Variants in RYR2 observed in about 807,000 individuals in gnomAD.
The protein encoded by RYR2 is ryanodine receptor 2.
RYR2 carries 227 observed loss-of-function variants against 601.1 expected under a neutral mutation model. The ratio of observed to expected loss-of-function variants is 0.38; its 90% CI spans 0.34 to 0.42. The LOEUF (loss-of-function observed/expected upper bound fraction) is 0.42. Among genes scored for constraint, RYR2 ranks in the 10% least tolerant of loss-of-function variants. RYR2 has a pLI of 1.00. For synonymous variants in RYR2, 2,223 were observed against 2,175.1 expected (o/e 1.02, Z -0.61); for missense variants, 4,646 against 6,156.5 (o/e 0.75, Z 8.21).
intron 29 of RYR2, among the ~76,000 whole-genome samples, chr1:237,580,345 T>C (rs35280595): frequency 0.3 from 44,985 of 150,898 alleles, 7,149 homozygotes; most frequent in East Asian, 0.61. Flanking sequence ...TTTGTAGAGA[T>C]GGGGTTTTAC....
At chr1:237,350,240 G>T (rs1259480339) in intron 3 of RYR2, among the ~76,000 whole-genome samples, 4 of 151,884 alleles carry the variant, frequency 2.6e-5, no homozygotes, top group Admixed American at 1.3e-4. Context: ...TTGTATGTGT[G>T]GTAAAGTTGA....
intron 25 of RYR2, among the ~76,000 whole-genome samples, chr1:237,533,097 TGTGTTGCTCTCACAAC>T (rs1325061835): frequency 6.6e-6 from 1 of 152,162 alleles, no homozygotes; most frequent in African/African-American, 2.4e-5. Context: ...GCATATTCCT[TGTGTTGCTCTCACAAC>T]GCAACACAGC....
chr1:237,631,794 A>AT (rs1281696995), intron 42 of RYR2, among the ~76,000 whole-genome samples: 14 of 151,264 alleles, frequency 9.3e-5, no homozygotes, highest in African/African-American at 1.7e-4. Context: ...CGCCCGGCTA[A>AT]TTTTTTTGTG....
At chr1:237,542,058 CTTTATTTA>C (rs71180097) in intron 25 of RYR2, among the ~76,000 whole-genome samples, 11,734 of 147,892 alleles carry the variant, frequency 0.079, 557 homozygotes, top group Middle Eastern at 0.11. Flanking sequence ...ACATTTTTGT[CTTTATTTA>C]TTTATTTATT....
chr1:237,055,142 C>T (rs1661822556), intron 1 of RYR2, among the ~76,000 whole-genome samples: 1 of 152,072 alleles, frequency 6.6e-6, no homozygotes, highest in Admixed American at 6.5e-5. Flanking sequence ...AGTGCCATTC[C>T]CTTCCTTGAT....
intron 10 of RYR2, among the ~76,000 whole-genome samples, chr1:237,415,051 T>C (rs894244583): frequency 1.3e-5 from 2 of 152,096 alleles, no homozygotes; most frequent in African/African-American, 4.8e-5. Flanking sequence ...TGGCATTTAG[T>C]TGGTAGAGGG....
At chr1:237,240,835 G>C (rs750631217) in intron 1 of RYR2, among the ~76,000 whole-genome samples, 18 of 151,998 alleles carry the variant, frequency 1.2e-4, no homozygotes, top group Non-Finnish European at 2.1e-4. Flanking sequence ...TCAGTTGGTT[G>C]GTTGCTTAGG....
Position 237,833,637 on chromosome 1 carries a change from A to T in RYR2, c.*990A>T, listed in dbSNP as rs1266599522. The T allele has an allele frequency of 6.6e-6, 1 of 152,492 alleles. No individual in the cohort carries two copies. The highest frequency in any genetic ancestry group is 2.4e-5 in the African/African-American group (1 of 41,414). 9.4% of individuals were successfully genotyped at this position (152,492 alleles called of 1,614,324 possible). On this transcript the variant is annotated 3_prime_UTR_variant, in exon 105 of 105. Coordinates refer to ENST00000366574, the MANE Select transcript of RYR2 (RefSeq NM_001035.3). The stretch of plus-strand genomic sequence containing the variant: ...CTGGAGCCAGTGTCATCCACCAACA[A>T]TGTGATACAATATGAACTTGACAGT...
At chr1:237,193,534 T>C (rs1160773374) in intron 1 of RYR2, among the ~76,000 whole-genome samples, 1 of 152,186 alleles carries the variant, frequency 6.6e-6, no homozygotes, top group Non-Finnish European at 1.5e-5. Flanking sequence ...GTTCAGTGAT[T>C]AAAATGTGGA....
intron 98 of RYR2, among the ~76,000 whole-genome samples, chr1:237,803,994 A>C (rs1413352650): frequency 6.6e-6 from 1 of 152,182 alleles, no homozygotes; most frequent in Non-Finnish European, 1.5e-5. Context: ...ACTTCCTCAT[A>C]TATAAATTGG....
rs867116151 is a variant in RYR2 at position 237,237,566 on chromosome 1, A to G, written c.49-32931A>G. 2.0e-5 allele frequency among the ~76,000 whole-genome samples: 3 copies of G among 152,346 alleles called. 1 individual carries two copies. In the Middle Eastern group the frequency reaches 0.01, roughly 518 times the overall value. On this transcript the variant is annotated intron_variant, in intron 1 of 104. Transcript: ENST00000366574. ...AAGACTGACAAAACACACTGTAGCA[A>G]TAAGATACCAAATTCAGACCTGACT...
At chr1:237,739,343 C>T (rs1237954084) in intron 79 of RYR2, among the ~76,000 whole-genome samples, 3 of 152,094 alleles carry the variant, frequency 2.0e-5, no homozygotes, top group African/African-American at 7.2e-5. Context: ...TTGCTGTTGC[C>T]ACCCCTTTTT....
In RYR2 at chr1:237,374,291, G is replaced by T. The variant is rs61832493; in HGVS notation, c.385-426G>T. On this transcript the variant is annotated intron_variant, in intron 6 of 104. Transcript: ENST00000366574. ...AATCCCGGCACCTTGGGAAGTGGAG[G>T]TGGGAGATTGCTTGAGTTTAGGAGT... 4.7e-3 allele frequency among the ~76,000 whole-genome samples: 721 copies of T among 152,120 alleles called. 7 individuals are homozygous for T. Among genetic ancestry groups the T allele is most frequent in the Non-Finnish European group, 7.0e-3 (478 of 68,000 alleles).
At position 237,614,856 on chromosome 1, in the gene RYR2, A is replaced by G; in HGVS notation, c.5715+13A>G. The G allele has an allele frequency of 3.9e-6, 6 of 1,540,782 alleles. No homozygotes were observed. Among genetic ancestry groups the G allele is most frequent in the South Asian group, 1.3e-5 (1 of 77,438 alleles). On this transcript the variant is annotated intron_variant, in intron 37 of 104. Coordinates refer to ENST00000366574, the MANE Select transcript of RYR2 (RefSeq NM_001035.3). This position sits in a 1 kb window ranked among gnomAD's most constrained non-coding sequence, Gnocchi z 4.3. ...AGTTAAATTGCAGGTAATCAGAACA[A>G]GAGACTTGAGTGAATTTCAGAATTG...
In RYR2 at chr1:237,233,317, T is replaced by C. The variant is rs973134035; in HGVS notation, c.49-37180T>C. Among the ~76,000 whole-genome samples the C allele has an allele frequency of 1.1e-4, 17 of 152,238 alleles. No individual in the cohort carries two copies. In the East Asian group the frequency reaches 3.3e-3, roughly 29 times the overall value. ...TGCTAAATTGGAATTTAGGCTGTTT[T>C]TAGAAGATCATAGATTGCTTTTTCC... On this transcript the variant is annotated intron_variant, in intron 1 of 104. Transcript: ENST00000366574.
At chr1:237,389,500 C>T (rs1417267935) in intron 10 of RYR2, among the ~76,000 whole-genome samples, 3 of 152,094 alleles carry the variant, frequency 2.0e-5, no homozygotes, top group Non-Finnish European at 2.9e-5. Context: ...ATCTGAGTCA[C>T]GGAAATGAAA....
intron 82 of RYR2, among the ~76,000 whole-genome samples, chr1:237,758,164 CACTT>C (rs1693112384): frequency 1.3e-5 from 2 of 152,052 alleles, no homozygotes; most frequent in South Asian, 2.1e-4. Context: ...AAAAATAAAA[CACTT>C]AATCTCTCCA....
rs748501600 is a variant in RYR2, at chr1:237,730,318, G to A, written c.10897G>A (p.Glu3633Lys). The change falls in exon 77 of 105, where the codon GAA becomes AAA. Residue 3633 changes from glutamate (E) to lysine (K), a missense_variant. Coordinates refer to ENST00000366574, the MANE Select transcript of RYR2 (RefSeq NM_001035.3). The stretch of plus-strand genomic sequence containing the variant: ...TGAAAAGTCTTGGATTGAAACAGAA[G>A]AACATTACTTTGAAGATAAACTGAT... ...GYEKSWIETEEHYFEDKLIED... is the reference protein window; with the variant it reads ...GYEKSWIETEKHYFEDKLIED... 13 of 1,605,122 alleles carry A rather than the reference G, an allele frequency of 8.1e-6. No individual in the cohort carries two copies. Among genetic ancestry groups the A allele is most frequent in the South Asian group, 1.1e-5 (1 of 90,902 alleles).
At chr1:237,432,573 T>A (rs4272613) in intron 12 of RYR2, among the ~76,000 whole-genome samples, 124,756 of 152,092 alleles carry the variant, frequency 0.82, 51,393 homozygotes, top group East Asian at 1. Flanking sequence ...ATTCTGCTCA[T>A]GTCCTAACTT....
Sources: allele counts gnomAD v4.1 joint callset (sites outside exome capture counted in the v4.1 genomes callset), GRCh38; gene constraint gnomAD v4.1.1; non-coding constraint Gnocchi (gnomAD v3.1); transcripts MANE v1.5; gene names NCBI Gene and HGNC (gene_info 2026-07-23, HGNC 2026-07-21).